Variants in HECW1 observed in about 807,000 individuals in gnomAD.
HECW1 encodes the protein E3 ubiquitin-protein ligase HECW1.
A neutral mutation model predicts 182.3 loss-of-function variants in HECW1; 61 were observed. The observed-to-expected ratio is 0.33, with a 90% confidence interval of 0.27 to 0.41. The LOEUF (loss-of-function observed/expected upper bound fraction) is 0.41. Ranked by LOEUF, HECW1 falls within the 10% of genes least tolerant of loss-of-function variation. The pLI, the probability that HECW1 is intolerant of heterozygous loss-of-function variation, is 1.00. For missense variants in HECW1, 1,739 were observed against 2,108.9 expected, an observed-to-expected ratio of 0.82 and a Z score of 3.44; for synonymous variants, 859 against 832.6, an observed-to-expected ratio of 1.03 and a Z score of -0.55.
At chr7:43,353,547 T>C (rs911171298) in intron 5 of HECW1, among the ~76,000 whole-genome samples, 3 of 151,874 alleles carry the variant, frequency 2.0e-5, no homozygotes, top group Non-Finnish European at 4.4e-5. Flanking sequence ...AATATGAGGG[T>C]AAGACAGCTC....
intron 3 of HECW1, among the ~76,000 whole-genome samples, chr7:43,291,741 A>T (rs1484820817): frequency 6.6e-6 from 1 of 152,256 alleles, no homozygotes; most frequent in Non-Finnish European, 1.5e-5. Context: ...GATTAACATT[A>T]ACAAGAGAAA....
At chr7:43,275,829 C>T (rs561737393) in intron 3 of HECW1, among the ~76,000 whole-genome samples, 5 of 146,796 alleles carry the variant, frequency 3.4e-5, no homozygotes, top group Non-Finnish European at 6.0e-5. Flanking sequence ...AAATGCTTTA[C>T]AGAGTTTTGC....
chr7:43,426,350 A>G (rs2152861596), intron 8 of HECW1, among the ~76,000 whole-genome samples: 1 of 152,340 alleles, frequency 6.6e-6, no homozygotes, highest in Admixed American at 6.5e-5. Flanking sequence ...AAAAAGTAAG[A>G]TGAAATAAAG....
intron 2 of HECW1, among the ~76,000 whole-genome samples, chr7:43,227,347 G>A (rs999551206): frequency 2.0e-5 from 3 of 151,968 alleles, no homozygotes; most frequent in African/African-American, 7.3e-5. Flanking sequence ...CTAGTTATTT[G>A]AATTAATATA....
chr7:43,343,107 A>G lies in HECW1; in HGVS notation c.461-17779A>G, dbSNP rs1015609937. On this transcript the variant is annotated intron_variant, in intron 5 of 29. Transcript: ENST00000395891. ...GACTTCACAATGGAAGGCTGTGCTG[A>G]TCTATCTCTGTCTAATTCATCAACT... 1.1e-4 allele frequency among the ~76,000 whole-genome samples: 13 copies of G among 113,874 alleles called. 1 individual carries two copies. The highest frequency in any genetic ancestry group is 3.1e-4 in the African/African-American group (11 of 35,556). The allele number at this position is 113,874 out of a possible 152,430, so 74.7% of individuals were successfully genotyped here.
chr7:43,265,833 C>G (rs1226476741), intron 3 of HECW1, among the ~76,000 whole-genome samples: 2 of 152,180 alleles, frequency 1.3e-5, no homozygotes, highest in Non-Finnish European at 2.9e-5. Flanking sequence ...CCCAAAACTC[C>G]CCCCTCAGGT....
intron 2 of HECW1, among the ~76,000 whole-genome samples, chr7:43,234,816 C>T (rs1798176258): frequency 6.6e-6 from 1 of 152,206 alleles, no homozygotes; most frequent in Admixed American, 6.5e-5. Flanking sequence ...TCCACAGTGC[C>T]TGGTATGAAG....
At chr7:43,125,941 A>C (rs535935153) in intron 2 of HECW1, among the ~76,000 whole-genome samples, 25 of 152,038 alleles carry the variant, frequency 1.6e-4, no homozygotes, top group Middle Eastern at 6.8e-3. Flanking sequence ...CTTGCTTTCT[A>C]ACCTGGCTTT....
intron 2 of HECW1, among the ~76,000 whole-genome samples, chr7:43,123,065 C>T (rs1482996754): frequency 6.6e-6 from 1 of 152,128 alleles, no homozygotes; most frequent in Non-Finnish European, 1.5e-5. Context: ...CATGCAGAAA[C>T]ATCTAATTTG....
chr7:43,237,146 T>G (rs78175136), intron 2 of HECW1, among the ~76,000 whole-genome samples: 1 of 77,196 alleles, frequency 1.3e-5, no homozygotes. Flanking sequence ...AGGAAGTAGG[T>G]AGGTAGGTAG....
At chr7:43,369,657 T>C (rs965643639) in intron 6 of HECW1, among the ~76,000 whole-genome samples, 3 of 152,172 alleles carry the variant, frequency 2.0e-5, no homozygotes, top group African/African-American at 7.2e-5. Context: ...ATTCATATGA[T>C]GAATCTTGAC....
At chr7:43,401,374 C>A (rs1473418261) in intron 7 of HECW1, among the ~76,000 whole-genome samples, 1 of 152,032 alleles carries the variant, frequency 6.6e-6, no homozygotes, top group Non-Finnish European at 1.5e-5. Context: ...AGATGAATGG[C>A]ACATACAGAG....
chr7:43,153,949 A>AT (rs563076733), intron 2 of HECW1, among the ~76,000 whole-genome samples: 33 of 149,872 alleles, frequency 2.2e-4, no homozygotes, highest in East Asian at 1.4e-3. Flanking sequence ...GAAGATTGTA[A>AT]TTTTTTTTTT....
chr7:43,488,026 G>T (rs949387769), intron 17 of HECW1, among the ~76,000 whole-genome samples: 1 of 150,630 alleles, frequency 6.6e-6, no homozygotes, highest in Admixed American at 6.6e-5. Context: ...AGCCAGCCAG[G>T]CAGACAGTCA....
At chr7:43,316,683 G>A (rs1036722276) in intron 4 of HECW1, among the ~76,000 whole-genome samples, 1 of 149,454 alleles carries the variant, frequency 6.7e-6, no homozygotes, top group South Asian at 2.2e-4. Context: ...TCCTGGTAGA[G>A]AGCCTAGAGC....
At chr7:43,403,358 A>C (rs776819685) in intron 7 of HECW1, among the ~76,000 whole-genome samples, 3 of 152,182 alleles carry the variant, frequency 2.0e-5, no homozygotes, top group Non-Finnish European at 4.4e-5. Context: ...AGGGGCAGCA[A>C]GTTCTGGGAA....
chr7:43,159,125 A>ATTTG (rs1382268733), intron 2 of HECW1, among the ~76,000 whole-genome samples: 3 of 145,404 alleles, frequency 2.1e-5, no homozygotes, highest in African/African-American at 7.4e-5. Context: ...TTATTTATTT[A>ATTTG]TTTATTTATT....
At chr7:43,219,300 C>T (rs116324335) in intron 2 of HECW1, among the ~76,000 whole-genome samples, 2,253 of 152,180 alleles carry the variant, frequency 0.015, 53 homozygotes, top group African/African-American at 0.051. Context: ...CCAGGGCTTT[C>T]CTACTGGACA....
At chr7:43,526,045 C>T (rs1006281206) in intron 24 of HECW1, among the ~76,000 whole-genome samples, 1 of 152,180 alleles carries the variant, frequency 6.6e-6, no homozygotes, top group African/African-American at 2.4e-5. Context: ...AGAACATAGT[C>T]ACAAGCCTCA....
Sources: gnomAD v4.1 joint callset for allele counts (sites outside exome capture counted in the v4.1 genomes callset) on GRCh38, gnomAD v4.1.1 for gene constraint, MANE v1.5 for transcripts, NCBI Gene and HGNC (gene_info 2026-07-23, HGNC 2026-07-21) for gene names.